Variants in ARHGAP44 observed in about 807,000 individuals in gnomAD.
ARHGAP44 encodes the protein rho GTPase-activating protein 44.
Under a neutral mutation model 106.8 loss-of-function variants are expected in ARHGAP44, and 43 were observed. That is an observed-to-expected ratio of 0.40 (90% confidence interval 0.32 to 0.52). The LOEUF is 0.52. Among genes scored for constraint, ARHGAP44 ranks in the 20% least tolerant of loss-of-function variants. The pLI is 0.48. For missense variants in ARHGAP44, 866 were observed against 1,050.5 expected, an observed-to-expected ratio of 0.82 and a Z score of 2.43; for synonymous variants, 439 against 410.3, an observed-to-expected ratio of 1.07 and a Z score of -0.85.
chr17:12,906,314 C>G (rs1230116242), intron 3 of ARHGAP44, among the ~76,000 whole-genome samples: 1 of 152,190 alleles, frequency 6.6e-6, no homozygotes, highest in African/African-American at 2.4e-5. Flanking sequence ...AGGTGTATGT[C>G]TTGCAATTTA....
intron 1 of ARHGAP44, among the ~76,000 whole-genome samples, chr17:12,868,711 G>T (rs1401832295): frequency 6.7e-6 from 1 of 148,858 alleles, no homozygotes; most frequent in East Asian, 2.0e-4. Flanking sequence ...GAGCTGGAGT[G>T]CAATGGCGCG....
intron 16 of ARHGAP44, among the ~76,000 whole-genome samples, chr17:12,965,945 G>T (rs1598131381): frequency 1.3e-5 from 2 of 152,054 alleles, no homozygotes; most frequent in Non-Finnish European, 2.9e-5. Flanking sequence ...TTGAGGCCAG[G>T]AGCTCAAGAC....
At chr17:12,989,416 C>T (rs563049129) in intron 20 of ARHGAP44, among the ~76,000 whole-genome samples, 12 of 152,198 alleles carry the variant, frequency 7.9e-5, no homozygotes, top group African/African-American at 1.4e-4. Flanking sequence ...TTCATCTTGC[C>T]GGGAAAAATG....
intron 4 of ARHGAP44, among the ~76,000 whole-genome samples, chr17:12,910,156 G>C (rs1338776321): frequency 1.3e-5 from 2 of 151,918 alleles, no homozygotes; most frequent in South Asian, 4.2e-4. Context: ...GAAAGGACTA[G>C]TTAAGGCTAC....
At chr17:12,853,629 G>A (rs546829567) in intron 1 of ARHGAP44, among the ~76,000 whole-genome samples, 4 of 152,300 alleles carry the variant, frequency 2.6e-5, no homozygotes, top group Non-Finnish European at 5.9e-5. Flanking sequence ...ATCACTGACT[G>A]TTCAGTCCTT....
chr17:12,966,147 C>T (rs945037290), intron 16 of ARHGAP44, among the ~76,000 whole-genome samples: 13 of 131,112 alleles, frequency 9.9e-5, no homozygotes, highest in African/African-American at 1.7e-4. Context: ...CATAGTGACA[C>T]GCTGTCTCAA....
chr17:12,924,814 G>A (rs956888271), intron 6 of ARHGAP44, among the ~76,000 whole-genome samples: 3 of 152,190 alleles, frequency 2.0e-5, no homozygotes, highest in East Asian at 1.9e-4. Flanking sequence ...TCCAGCCTCT[G>A]TCTTGATCTT....
intron 4 of ARHGAP44, among the ~76,000 whole-genome samples, chr17:12,914,917 A>G (rs1333023031): frequency 1.3e-5 from 2 of 152,250 alleles, no homozygotes; most frequent in Non-Finnish European, 2.9e-5. Context: ...AGTATTATAT[A>G]TTGTATGGGG....
At chr17:12,909,334 G>A (rs1161553031) in intron 4 of ARHGAP44, among the ~76,000 whole-genome samples, 2 of 152,076 alleles carry the variant, frequency 1.3e-5, no homozygotes, top group East Asian at 1.9e-4. Flanking sequence ...AAATAGAATC[G>A]TCATGAGAGA....
intron 1 of ARHGAP44, among the ~76,000 whole-genome samples, chr17:12,875,234 G>A (rs1276847195): frequency 6.6e-6 from 1 of 152,030 alleles, no homozygotes; most frequent in Non-Finnish European, 1.5e-5. Flanking sequence ...GCTGGTCCAG[G>A]GACCACCCTT....
chr17:12,797,143 C>T (rs570319269), intron 1 of ARHGAP44, among the ~76,000 whole-genome samples: 1 of 152,142 alleles, frequency 6.6e-6, no homozygotes, highest in African/African-American at 2.4e-5. Context: ...ATAAATTTAA[C>T]ATTTTGTGAT....
Position 12,941,061 on chromosome 17 carries a change from G to T in ARHGAP44, c.588G>T (p.Gln196His). ...AANRVEICRDQLSADMYSFVA... is the reference protein window; with the variant it reads ...AANRVEICRDHLSADMYSFVA... ...GTATATTTTACCTTGCACAGGACCAGCTCTCAGCTGATATGTACAGTTTTG... is the reference window on the plus strand; with the variant it reads ...GTATATTTTACCTTGCACAGGACCATCTCTCAGCTGATATGTACAGTTTTG... Residue 196 changes from glutamine (Q) to histidine (H), a missense_variant, in exon 8 of 21, where the codon CAG becomes CAT. This residue lies in a region of ARHGAP44 where 448 missense variants were observed against 646.9 expected (regional missense o/e 0.69). Coordinates refer to ENST00000379672, the MANE Select transcript of ARHGAP44 (RefSeq NM_014859.6). The T allele has an allele frequency of 6.2e-7, 1 of 1,613,954 alleles. No individual in the cohort carries two copies. The highest frequency in any genetic ancestry group is 8.5e-7 in the Non-Finnish European group (1 of 1,179,856).
chr17:12,907,314 ACTC>A (rs2037581953), intron 3 of ARHGAP44, among the ~76,000 whole-genome samples: 2 of 151,750 alleles, frequency 1.3e-5, no homozygotes, highest in Non-Finnish European at 2.9e-5. Context: ...ATCATGCTAA[ACTC>A]CTATCACAGC....
rs7213289 is a variant in ARHGAP44 at position 12,919,400 on chromosome 17, T to G, written c.388-355T>G. Among the ~76,000 whole-genome samples, 1,051 of 151,130 alleles carry G rather than the reference T, an allele frequency of 7.0e-3. 6 individuals are homozygous for G. The highest frequency in any genetic ancestry group is 0.011 in the Non-Finnish European group (765 of 67,654). On this transcript the variant is annotated intron_variant, in intron 5 of 20. Transcript: ENST00000379672. ...AGAATAGTTCTTCTTTTTTTTTTTT[T>G]TTTGAGACGGAGTCTCGCTCTGTCA...
intron 20 of ARHGAP44, chr17:12,987,091 G>A (rs1015194068): frequency 6.6e-7 from 1 of 1,510,440 alleles, no homozygotes; most frequent in South Asian, 1.2e-5. Flanking sequence ...CTATCATTGT[G>A]TTCTTGCAGC....
chr17:12,871,200 A>G (rs2036395926), intron 1 of ARHGAP44, among the ~76,000 whole-genome samples: 1 of 152,130 alleles, frequency 6.6e-6, no homozygotes, highest in South Asian at 2.1e-4. Flanking sequence ...CACCTGGTAC[A>G]GTTTGGTTCT....
chr17:12,984,678 A>C lies in ARHGAP44; in HGVS notation c.2087A>C (p.Gln696Pro), dbSNP rs771527946. The change falls in exon 20 of 21, where the codon CAG becomes CCG. Residue 696 changes from glutamine (Q) to proline (P), a missense_variant. By Grantham distance (76) the Gln-to-Pro change is moderately conservative. This residue lies in a region of ARHGAP44 where 418 missense variants were observed against 403.6 expected (regional missense o/e 1.04). Transcript: ENST00000379672. ...TCACCCTATGGACTGAGCTACCCTC[A>C]GGGGTACTCCTTGGCCTCGGGCCAG... Reference protein sequence around the residue: ...TPSPYGLSYPQGYSLASGQLS... With the variant: ...TPSPYGLSYPPGYSLASGQLS... 7.4e-6 allele frequency: 12 copies of C among 1,612,224 alleles called. No individual in the cohort carries two copies. The African/African-American group carries it at 1.5e-4, about 20-fold the overall frequency.
intron 1 of ARHGAP44, among the ~76,000 whole-genome samples, chr17:12,889,614 C>A (rs2036981869): frequency 6.6e-6 from 1 of 152,156 alleles, no homozygotes; most frequent in South Asian, 2.1e-4. Context: ...CTGCCTCTGA[C>A]CCCCAAAATT....
At chr17:12,882,641 T>C (rs940463511) in intron 1 of ARHGAP44, among the ~76,000 whole-genome samples, 1 of 152,176 alleles carries the variant, frequency 6.6e-6, no homozygotes, top group African/African-American at 2.4e-5. Context: ...GTTATATTTT[T>C]CATCAACAGA....
Sources: gnomAD v4.1 joint callset for allele counts (sites outside exome capture counted in the v4.1 genomes callset) on GRCh38, gnomAD v4.1.1 for gene constraint, gnomAD v4.1.1 regional missense constraint, MANE v1.5 for transcripts, NCBI Gene and HGNC (gene_info 2026-07-23, HGNC 2026-07-21) for gene names.